ADCY8: variants seen among roughly 807,000 people sequenced by gnomAD.
The protein encoded by ADCY8 is adenylate cyclase type 8.
Under a neutral mutation model 119.7 loss-of-function variants are expected in ADCY8, and 51 were observed. The ratio of observed to expected loss-of-function variants is 0.43; its 90% confidence interval spans 0.34 to 0.54. The LOEUF is 0.54. Ranked by LOEUF, ADCY8 falls within the 20% of genes least tolerant of loss-of-function variation. ADCY8 has a pLI of 0.03. For missense variants in ADCY8, 1,383 were observed against 1,598.8 expected (o/e 0.87, Z 2.30); for synonymous variants, 665 against 651.0 (o/e 1.02, Z -0.33).
At chr8:130,890,022 G>A (rs2130479959) in intron 7 of ADCY8, among the ~76,000 whole-genome samples, 1 of 152,178 alleles carries the variant, frequency 6.6e-6, no homozygotes, top group South Asian at 2.1e-4. Context: ...CTTGAGGCCA[G>A]GCACTGTGTT....
chr8:130,909,922 G>A, intron 5 of ADCY8, 56 bp from the exon 6 acceptor site: 1 of 1,524,762 alleles, frequency 6.6e-7, no homozygotes, highest in Non-Finnish European at 8.9e-7. Context: ...GGGCATCGTT[G>A]GCTCTGCACT....
intron 2 of ADCY8, among the ~76,000 whole-genome samples, chr8:130,953,570 T>C (rs1476299482): frequency 6.6e-6 from 1 of 152,222 alleles, no homozygotes; most frequent in Non-Finnish European, 1.5e-5. Context: ...GGAAAAGTCT[T>C]GGATTGAGTC....
chr8:131,026,905 C>T (rs1823840194), intron 1 of ADCY8, among the ~76,000 whole-genome samples: 1 of 152,112 alleles, frequency 6.6e-6, no homozygotes, highest in Non-Finnish European at 1.5e-5. Flanking sequence ...ATTATTATTC[C>T]CATTTTACAG....
At position 131,040,574 on chromosome 8, in the gene ADCY8, G is replaced by T; in HGVS notation, c.-241C>A. 2.5e-6 allele frequency: 1 copy of T among 402,368 alleles called. No homozygotes were observed. Among genetic ancestry groups the T allele is most frequent in the Non-Finnish European group, 4.3e-6 (1 of 232,724 alleles). 24.9% of individuals were successfully genotyped at this position (402,368 alleles called of 1,614,324 possible). ...GTCCTTGCGTGCTGCTCTCCCGCCA[G>T]CCGGCGCAGCTTGGGTACGCAGCGG... is the stretch of plus-strand genomic sequence containing the variant. On this transcript the variant is annotated 5_prime_UTR_variant, in exon 1 of 18. In the 5' UTR this introduces an upstream ATG that the reference lacks. Transcript: ENST00000286355.
intron 4 of ADCY8, among the ~76,000 whole-genome samples, chr8:130,939,942 C>G (rs1204923890): frequency 6.6e-6 from 1 of 152,122 alleles, no homozygotes; most frequent in Non-Finnish European, 1.5e-5. Context: ...TACAGAGGAG[C>G]TAGCTAACAG....
intron 8 of ADCY8, among the ~76,000 whole-genome samples, chr8:130,872,589 C>A (rs1242875855): frequency 6.6e-6 from 1 of 152,114 alleles, no homozygotes; most frequent in African/African-American, 2.4e-5. Context: ...AGCATATGGG[C>A]AAAGAATGGA....
Position 130,958,958 on chromosome 8 carries a change from C to T in ADCY8, c.1111-6960G>A, listed in dbSNP as rs530643430. Among the ~76,000 whole-genome samples, 82 of 151,806 alleles carry T rather than the reference C, an allele frequency of 5.4e-4. 2 individuals carry two copies. The Middle Eastern group carries it at 0.017, about 31-fold the overall frequency. ...GTCTCTTTTGTTCAGTTCAATAATC[C>T]CAGCACCTAGAATAACACCTGGTTT... is the stretch of plus-strand genomic sequence containing the variant. On this transcript the variant is annotated intron_variant, in intron 2 of 17. Transcript: ENST00000286355.
chr8:131,040,443 T>A lies in ADCY8; in HGVS notation c.-110A>T. ...AGGAGCTTGGCAAGGATCCTTTTTA[T>A]CCTAGGCTGCCCCGTTGCAGGAGCC... On this transcript the variant is annotated 5_prime_UTR_variant, in exon 1 of 18. Coordinates refer to ENST00000286355, the MANE Select transcript of ADCY8 (RefSeq NM_001115.3). 7.6e-7 allele frequency: 1 copy of A among 1,318,706 alleles called. No homozygotes were observed. The highest frequency in any genetic ancestry group is 9.8e-7 in the Non-Finnish European group (1 of 1,022,876). The allele number at this position is 1,318,706 out of a possible 1,614,324, so 81.7% of individuals were successfully genotyped here.
At chr8:130,879,289 A>G (rs990242736) in intron 8 of ADCY8, among the ~76,000 whole-genome samples, 1 of 152,232 alleles carries the variant, frequency 6.6e-6, no homozygotes, top group African/African-American at 2.4e-5. Context: ...CTCACAAATA[A>G]AAAAGACAAA....
intron 5 of ADCY8, among the ~76,000 whole-genome samples, chr8:130,916,268 T>C (rs903814455): frequency 6.6e-6 from 1 of 152,196 alleles, no homozygotes; most frequent in East Asian, 1.9e-4. Context: ...GCCCAATATA[T>C]GGACACAGTC....
chr8:130,782,264 A>G (rs1815105761), intron 17 of ADCY8, among the ~76,000 whole-genome samples: 1 of 152,212 alleles, frequency 6.6e-6, no homozygotes, highest in Non-Finnish European at 1.5e-5. Context: ...GGGAATCACA[A>G]TGATAGTTAG....
At chr8:130,999,189 C>T (rs1308451653) in intron 1 of ADCY8, among the ~76,000 whole-genome samples, 5 of 152,168 alleles carry the variant, frequency 3.3e-5, no homozygotes, top group Non-Finnish European at 7.3e-5. Flanking sequence ...ACTGAGTTGA[C>T]ACAATAACAT....
At chr8:130,951,280 C>T (rs969130457) in intron 3 of ADCY8, among the ~76,000 whole-genome samples, 6 of 152,162 alleles carry the variant, frequency 3.9e-5, no homozygotes, top group African/African-American at 1.2e-4. Flanking sequence ...GTGTGCCTCA[C>T]CATGGAGTTC....
At chr8:130,930,767 A>T (rs1820607906) in intron 5 of ADCY8, among the ~76,000 whole-genome samples, 1 of 152,106 alleles carries the variant, frequency 6.6e-6, no homozygotes, top group African/African-American at 2.4e-5. Context: ...TATATTTCTT[A>T]ACAAATTAAT....
chr8:130,993,076 A>G (rs1273090037), intron 1 of ADCY8, among the ~76,000 whole-genome samples: 1 of 152,192 alleles, frequency 6.6e-6, no homozygotes, highest in Admixed American at 6.5e-5. Context: ...GAAATATTAT[A>G]TGTCCTATTT....
intron 12 of ADCY8, among the ~76,000 whole-genome samples, chr8:130,832,621 G>T (rs547038934): frequency 2.2e-4 from 34 of 152,072 alleles, no homozygotes; most frequent in Non-Finnish European, 4.1e-4. Flanking sequence ...GGCAATAGAA[G>T]ACTAGCCAAT....
At chr8:130,932,696 T>C (rs1820666654) in intron 5 of ADCY8, among the ~76,000 whole-genome samples, 1 of 152,218 alleles carries the variant, frequency 6.6e-6, no homozygotes, top group South Asian at 2.1e-4. Context: ...TTGCTCAAAT[T>C]GATGTTTCTG....
chr8:130,905,774 C>T (rs913213008), intron 6 of ADCY8, among the ~76,000 whole-genome samples: 11 of 152,230 alleles, frequency 7.2e-5, no homozygotes, highest in African/African-American at 1.7e-4. Context: ...GTGGGAAGAT[C>T]GCTTGAGCCC....
chr8:130,917,763 TTGTGTGTGTGTG>T (rs146136196), intron 5 of ADCY8, among the ~76,000 whole-genome samples: 10 of 147,352 alleles, frequency 6.8e-5, no homozygotes, highest in African/African-American at 2.0e-4. Context: ...CACAGGGAGT[TTGTGTGTGTGTG>T]TGTGTGTGTG....
Sources: gnomAD v4.1 joint callset for allele counts (sites outside exome capture counted in the v4.1 genomes callset) on GRCh38, gnomAD v4.1.1 for gene constraint, MANE v1.5 for transcripts, NCBI Gene and HGNC (gene_info 2026-07-23, HGNC 2026-07-21) for gene names.